The following CHST10 variants were observed in gnomAD, a reference collection of about 807,000 sequenced individuals.
CHST10 encodes the protein HNK-1 sulfotransferase.
A neutral mutation model predicts 34.7 loss-of-function variants in CHST10; 24 were observed. The ratio of observed to expected loss-of-function variants is 0.69; its 90% CI spans 0.50 to 0.97. CHST10 has a LOEUF of 0.97. CHST10 is among the 50% of genes least tolerant of loss of function. The probability of loss-of-function intolerance (pLI) is 0.00; values close to 1 mark genes in which losing one functional copy is unlikely to be tolerated. For synonymous variants in CHST10, 161 were observed against 169.3 expected (o/e 0.95, Z 0.38); for missense variants, 402 against 452.1 (o/e 0.89, Z 1.00).
At chr2:100,395,948 G>A (rs1675037685) in intron 5 of CHST10, among the ~76,000 whole-genome samples, 1 of 152,186 alleles carries the variant, frequency 6.6e-6, no homozygotes, top group Non-Finnish European at 1.5e-5. Context: ...GAAGATCGCT[G>A]CATGCAAACA....
At chr2:100,416,029 GTAGTA>G (rs1290987774) in intron 1 of CHST10, among the ~76,000 whole-genome samples, 3 of 152,186 alleles carry the variant, frequency 2.0e-5, no homozygotes, top group Non-Finnish European at 4.4e-5. Context: ...TAAAAATAAG[GTAGTA>G]TAGTCTTATG....
chr2:100,410,864 G>A (rs1675802191), intron 2 of CHST10, among the ~76,000 whole-genome samples: 1 of 152,058 alleles, frequency 6.6e-6, no homozygotes, highest in South Asian at 2.1e-4. Context: ...ATGATGAAAG[G>A]CAAGCCAATG....
chr2:100,416,791 C>A (rs1310019112), intron 1 of CHST10: 2 of 393,782 alleles, frequency 5.1e-6, no homozygotes, highest in African/African-American at 2.1e-5. Flanking sequence ...CTGCCCAACC[C>A]TTTCCTGCCT....
chr2:100,392,863 C>CGG lies in CHST10; in HGVS notation c.*381_*382insCC. On this transcript the variant is annotated 3_prime_UTR_variant, in exon 7 of 7. Transcript: ENST00000264249. ...CCCACCAGTGATGGGTGAAGCCACC[C>CGG]TGACTAGCCAGGAGAACCTCAGGGG... is the stretch of plus-strand genomic sequence containing the variant. The CGG allele has an allele frequency of 3.1e-5, 7 of 222,392 alleles. No homozygotes were observed. The highest frequency in any genetic ancestry group is 1.7e-4 in the South Asian group (2 of 11,458). 13.8% of individuals were successfully genotyped at this position (222,392 alleles called of 1,614,324 possible).
chr2:100,397,819 T>C (rs1042768591), intron 5 of CHST10, 89 bp downstream of exon 5: 11 of 1,061,946 alleles, frequency 1.0e-5, no homozygotes, highest in Admixed American at 7.0e-5. Context: ...ACCAGCCCTC[T>C]TGTGACTCCT....
chr2:100,417,112 G>T, intron 1 of CHST10: 2 of 1,239,788 alleles, frequency 1.6e-6, no homozygotes. Flanking sequence ...GATGAAAGAA[G>T]TAAATTGTAG....
rs1486029206 is a variant in CHST10, at chr2:100,393,762, A to C, written c.554T>G (p.Phe185Cys). 5 of 1,608,688 alleles carry C rather than the reference A, an allele frequency of 3.1e-6. No individual in the cohort carries two copies. Among genetic ancestry groups the C allele is most frequent in the African/African-American group, 2.7e-5 (2 of 74,840 alleles). Residue 185 changes from phenylalanine to cysteine, a missense_variant, in exon 7 of 7, where the codon TTT becomes TGT. Coordinates refer to ENST00000264249, the MANE Select transcript of CHST10 (RefSeq NM_004854.5). ...IQKRLKTYFK[F>C]FIVRDPFERL... Reference sequence around the variant, plus strand: ...TTCGAAGGGATCTCTTACAATAAAAAACTTGAAGTATGTTTTCAATCTAAG... The same window carrying C: ...TTCGAAGGGATCTCTTACAATAAAACACTTGAAGTATGTTTTCAATCTAAG...
intron 6 of CHST10, among the ~76,000 whole-genome samples, chr2:100,394,232 G>T (rs1558632506): frequency 6.8e-6 from 1 of 147,472 alleles, no homozygotes. Flanking sequence ...ATTGCCAGGG[G>T]AAGGGGGGCA....
rs536718418 is a variant in CHST10, at chr2:100,415,127, A to G, written c.-103-16T>C. The G allele has an allele frequency of 7.8e-6, 3 of 386,400 alleles. No individual in the cohort carries two copies. Among genetic ancestry groups the G allele is most frequent in the Non-Finnish European group, 3.7e-6 (1 of 271,814 alleles). The allele number at this position is 386,400 out of a possible 1,614,324, so 23.9% of individuals were successfully genotyped here. ...CCTCTTGTCACTGGATAGGAAAATTAAAAAAAAAAAAGCATTATTAAAAGT... is the reference window on the plus strand; with the variant it reads ...CCTCTTGTCACTGGATAGGAAAATTGAAAAAAAAAAAGCATTATTAAAAGT... On this transcript the variant is annotated splice_polypyrimidine_tract_variant and intron_variant, in intron 1 of 6. Coordinates refer to ENST00000264249, the MANE Select transcript of CHST10 (RefSeq NM_004854.5).
chr2:100,395,010 C>A (rs1280773556), intron 6 of CHST10, among the ~76,000 whole-genome samples: 1 of 152,122 alleles, frequency 6.6e-6, no homozygotes, highest in Non-Finnish European at 1.5e-5. Context: ...TGAGCCACTG[C>A]GCCCAGCCTG....
chr2:100,411,109 A>ATT (rs1675815185), intron 2 of CHST10, among the ~76,000 whole-genome samples: 1 of 139,310 alleles, frequency 7.2e-6, no homozygotes, highest in African/African-American at 2.7e-5. Context: ...TGTAATAAGC[A>ATT]TTTTTTCTTT....
chr2:100,415,451 C>T (rs1351275276), intron 1 of CHST10, among the ~76,000 whole-genome samples: 4 of 152,180 alleles, frequency 2.6e-5, no homozygotes, highest in African/African-American at 9.7e-5. Flanking sequence ...ATCAATTCTT[C>T]CAATGCAAAA....
chr2:100,409,713 AC>A (rs992484659), intron 2 of CHST10, among the ~76,000 whole-genome samples: 27 of 152,310 alleles, frequency 1.8e-4, no homozygotes, highest in Admixed American at 9.1e-4. Flanking sequence ...ATCCACAGGA[AC>A]AAACAGCTAC....
chr2:100,393,970 C>T (rs1674928416), intron 6 of CHST10, among the ~76,000 whole-genome samples, 188 bp from the exon 7 acceptor site: 1 of 152,130 alleles, frequency 6.6e-6, no homozygotes, highest in Non-Finnish European at 1.5e-5. Context: ...CTGTTATTAC[C>T]ACACTTTGCA....
chr2:100,404,720 G>A (rs1383742932), intron 3 of CHST10, among the ~76,000 whole-genome samples: 1 of 152,174 alleles, frequency 6.6e-6, no homozygotes, highest in Non-Finnish European at 1.5e-5. Flanking sequence ...CCAGATAACA[G>A]TAAAACACAA....
chr2:100,409,500 G>C lies in CHST10; in HGVS notation c.-32-2793C>G, dbSNP rs577833783. Reference sequence around the variant, plus strand: ...AGCTCTTAGCTTCTTTCAGCTGGGCGGGGGGTCAGGGGCTGGTCTACACTC... The same window carrying C: ...AGCTCTTAGCTTCTTTCAGCTGGGCCGGGGGTCAGGGGCTGGTCTACACTC... On this transcript the variant is annotated intron_variant, in intron 2 of 6. Transcript: ENST00000264249. Among the ~76,000 whole-genome samples, 11 of 152,070 alleles carry C rather than the reference G, an allele frequency of 7.2e-5. 1 individual carries two copies. Among genetic ancestry groups the C allele is most frequent in the African/African-American group, 2.7e-4 (11 of 41,444 alleles).
Position 100,417,509 on chromosome 2 carries a change from C to T in CHST10, c.-239G>A, listed in dbSNP as rs1378209528. 2.0e-5 allele frequency: 3 copies of T among 152,096 alleles called. No individual in the cohort carries two copies. Among genetic ancestry groups the T allele is most frequent in the Admixed American group, 6.6e-5 (1 of 15,256 alleles). The allele number at this position is 152,096 out of a possible 1,614,324, so 9.4% of individuals were successfully genotyped here. On this transcript the variant is annotated 5_prime_UTR_variant, in exon 1 of 7. Coordinates refer to ENST00000264249, the MANE Select transcript of CHST10 (RefSeq NM_004854.5). ...GCTCGGGAGGCCCGCCCCACCTTGC[C>T]CCGAGGCCTCCGCGCCGCGGCCCGT...
At position 100,402,719 on chromosome 2, in the gene CHST10, AAC is replaced by A. The variant is rs1371876496; in HGVS notation, c.101-66_101-65del. The A allele has an allele frequency of 1.1e-5, 15 of 1,369,830 alleles. No homozygotes were observed. The African/African-American group carries it at 1.4e-4, about 13-fold the overall frequency. The allele number at this position is 1,369,830 out of a possible 1,614,324, so 84.9% of individuals were successfully genotyped here. A position where few individuals can be genotyped will look rare whatever the true frequency, so the allele number is the denominator to read the frequency against. ...AAAGGCACACAGGTGGATGGGACAG[AAC>A]AGAGGCCCCAGAAATAGAAGCTCTC... On this transcript the variant is annotated intron_variant, in intron 3 of 6. Transcript: ENST00000264249.
At chr2:100,402,127 C>CT (rs1675368705) in intron 4 of CHST10, among the ~76,000 whole-genome samples, 1 of 152,184 alleles carries the variant, frequency 6.6e-6, no homozygotes, top group African/African-American at 2.4e-5. Flanking sequence ...GAGGATCCAC[C>CT]TTTTTTCTAG....
Sources: allele counts gnomAD v4.1 joint callset (sites outside exome capture counted in the v4.1 genomes callset), GRCh38; gene constraint gnomAD v4.1.1; transcripts MANE v1.5; gene names NCBI Gene and HGNC (gene_info 2026-07-23, HGNC 2026-07-21).